The following MELK variants were observed in gnomAD, a reference collection of about 807,000 sequenced individuals.
MELK encodes the protein maternal embryonic leucine zipper kinase, also known as pEg3 kinase.
In MELK, 81 loss-of-function variants were observed where a neutral mutation model predicts 85.0. That is an observed-to-expected ratio of 0.95 (90% CI 0.80 to 1.15). The LOEUF (loss-of-function observed/expected upper bound fraction) is 1.15. Among genes scored for constraint, MELK ranks in the 50% most tolerant of loss-of-function variants. MELK has a pLI of 0.00. For synonymous variants in MELK, 252 were observed against 265.0 expected (o/e 0.95, Z 0.48); for missense variants, 754 against 777.5 (o/e 0.97, Z 0.36).
chr9:36,636,790 G>GTCTGTCTGTCTT (rs1475022442), intron 10 of MELK, among the ~76,000 whole-genome samples: 22 of 67,692 alleles, frequency 3.3e-4, no homozygotes, highest in East Asian at 1.4e-3. Context: ...CTTTCTGTCT[G>GTCTGTCTGTCTT]TCTTTCTTTC....
chr9:36,655,600 G>A (rs1831169599), intron 12 of MELK, among the ~76,000 whole-genome samples: 1 of 152,154 alleles, frequency 6.6e-6, no homozygotes, highest in Admixed American at 6.5e-5. Context: ...GCAAGAGAGA[G>A]AGAAATGAAC....
Position 36,588,045 on chromosome 9 carries a change from G to A in MELK, c.145-1491G>A, listed in dbSNP as rs900297425. Among the ~76,000 whole-genome samples the A allele has an allele frequency of 8.6e-5, 13 of 151,784 alleles. 1 individual carries two copies. The highest frequency in any genetic ancestry group is 2.0e-4 in the Admixed American group (3 of 15,220). On this transcript the variant is annotated intron_variant, in intron 3 of 17. Transcript: ENST00000298048. ...CCTCTCAAAAGTGCTGCAATTACAG[G>A]TGTGAGCCACCACACCCAATCAGAG...
intron 8 of MELK, among the ~76,000 whole-genome samples, chr9:36,613,108 G>T (rs577631781): frequency 6.6e-6 from 1 of 152,052 alleles, no homozygotes; most frequent in Non-Finnish European, 1.5e-5. Context: ...CACCCACATT[G>T]TCCTCCTTGT....
intron 3 of MELK, among the ~76,000 whole-genome samples, chr9:36,585,559 G>A (rs546474226): frequency 1.3e-5 from 2 of 151,604 alleles, no homozygotes; most frequent in Non-Finnish European, 2.9e-5. Context: ...CACCCACCTC[G>A]GCCTCCTAAA....
At chr9:36,638,571 C>T (rs1319406556) in intron 10 of MELK, among the ~76,000 whole-genome samples, 1 of 152,122 alleles carries the variant, frequency 6.6e-6, no homozygotes, top group Non-Finnish European at 1.5e-5. Context: ...AGATGTGAGC[C>T]ACCATGCCCA....
intron 7 of MELK, among the ~76,000 whole-genome samples, chr9:36,602,380 A>G (rs1438659766): frequency 2.7e-5 from 4 of 148,640 alleles, no homozygotes; most frequent in Non-Finnish European, 5.9e-5. Flanking sequence ...AATCCCAGCT[A>G]CTTGGGGGTT....
intron 3 of MELK, among the ~76,000 whole-genome samples, chr9:36,586,775 G>T (rs1822958643): frequency 6.6e-6 from 1 of 151,860 alleles, no homozygotes; most frequent in Admixed American, 6.6e-5. Flanking sequence ...TTCTAAACTT[G>T]TTTTTATATT....
At chr9:36,612,529 G>A (rs566794633) in intron 8 of MELK, among the ~76,000 whole-genome samples, 1 of 152,254 alleles carries the variant, frequency 6.6e-6, no homozygotes, top group East Asian at 1.9e-4. Context: ...GGGATTACAG[G>A]CGAGTGCCAC....
At chr9:36,602,559 CT>C (rs112982020) in intron 7 of MELK, among the ~76,000 whole-genome samples, 1,901 of 119,544 alleles carry the variant, frequency 0.016, 39 homozygotes, top group African/African-American at 0.052. Flanking sequence ...GCTCTACAGA[CT>C]TTTTTTTTTT....
chr9:36,592,331 C>A (rs1326468169), intron 4 of MELK, among the ~76,000 whole-genome samples: 6 of 151,932 alleles, frequency 3.9e-5, no homozygotes, highest in African/African-American at 9.7e-5. Context: ...CGTGCCATCA[C>A]CCCCGGTTAA....
At chr9:36,615,033 A>C (rs1256401671) in intron 8 of MELK, among the ~76,000 whole-genome samples, 1 of 126,344 alleles carries the variant, frequency 7.9e-6, no homozygotes, top group Non-Finnish European at 1.6e-5. Context: ...GGCGCCCCTC[A>C]CCTCCCGGAC....
At chr9:36,627,108 C>T (rs1001456605) in intron 8 of MELK, among the ~76,000 whole-genome samples, 3 of 145,064 alleles carry the variant, frequency 2.1e-5, no homozygotes, top group East Asian at 2.0e-4. Context: ...TAAATGAATG[C>T]GGCTAGAAGG....
At chr9:36,575,589 A>G (rs1821576681) in intron 1 of MELK, among the ~76,000 whole-genome samples, 1 of 152,150 alleles carries the variant, frequency 6.6e-6, no homozygotes, top group African/African-American at 2.4e-5. Flanking sequence ...GGGTAGATAG[A>G]GAAAATGGAA....
intron 7 of MELK, among the ~76,000 whole-genome samples, chr9:36,606,652 C>CATATGT (rs373691847): frequency 6.9e-6 from 1 of 145,484 alleles, no homozygotes; most frequent in African/African-American, 2.5e-5. Flanking sequence ...TATATGGACA[C>CATATGT]ATATGTATAT....
At chr9:36,581,425 TA>T (rs1822230112) in intron 1 of MELK, among the ~76,000 whole-genome samples, 1 of 152,116 alleles carries the variant, frequency 6.6e-6, no homozygotes, top group Non-Finnish European at 1.5e-5. Context: ...CAATATTCTT[TA>T]AAAAGTTTTA....
At chr9:36,623,987 C>G (rs1035747773) in intron 8 of MELK, among the ~76,000 whole-genome samples, 2 of 152,110 alleles carry the variant, frequency 1.3e-5, no homozygotes, top group Middle Eastern at 3.2e-3. Flanking sequence ...TTATCAAGCT[C>G]TTACTGTGTC....
chr9:36,619,133 A>G (rs550520938), intron 8 of MELK, among the ~76,000 whole-genome samples: 1 of 151,938 alleles, frequency 6.6e-6, no homozygotes, highest in South Asian at 2.1e-4. Flanking sequence ...TAATTTTTGT[A>G]TTTTTAGTAG....
At chr9:36,599,146 A>G (rs1824628853) in intron 6 of MELK, among the ~76,000 whole-genome samples, 1 of 152,082 alleles carries the variant, frequency 6.6e-6, no homozygotes, top group Admixed American at 6.6e-5. Context: ...AAATACAAAA[A>G]TTAGTTGGGC....
At chr9:36,609,416 C>A (rs935499307) in intron 8 of MELK, among the ~76,000 whole-genome samples, 10 of 151,308 alleles carry the variant, frequency 6.6e-5, no homozygotes, top group Non-Finnish European at 1.2e-4. Context: ...AGCAGAGCAG[C>A]ATCTCTGAAT....
Sources: allele counts gnomAD v4.1 joint callset (sites outside exome capture counted in the v4.1 genomes callset), GRCh38; gene constraint gnomAD v4.1.1; transcripts MANE v1.5; gene names NCBI Gene and HGNC (gene_info 2026-07-23, HGNC 2026-07-21).